The following CPLANE1 variants were observed in gnomAD, a reference collection of about 807,000 sequenced individuals.
CPLANE1 encodes ciliogenesis and planar polarity effector 1.
CPLANE1 carries 263 observed loss-of-function variants against 362.5 expected under a neutral mutation model. That is an observed-to-expected ratio of 0.73 (90% CI 0.66 to 0.80). The LOEUF (loss-of-function observed/expected upper bound fraction) is 0.80, where lower values mean the gene tolerates loss of function less well. CPLANE1 is among the 30% of genes least tolerant of loss of function. The pLI is 0.00. For synonymous variants in CPLANE1, 1,212 were observed against 1,302.6 expected, an observed-to-expected ratio of 0.93 and a Z score of 1.50; for missense variants, 3,461 against 3,793.4, an observed-to-expected ratio of 0.91 and a Z score of 2.30.
intron 51 of CPLANE1, among the ~76,000 whole-genome samples, chr5:37,114,133 T>G (rs1274603962): frequency 6.6e-6 from 1 of 152,110 alleles, no homozygotes; most frequent in Non-Finnish European, 1.5e-5. Context: ...TTTTAAAAAA[T>G]CATTATCCCT....
rs1778484018 is a variant in CPLANE1, at chr5:37,167,212, C to T, written c.7235G>A (p.Cys2412Tyr). 4 of 1,606,058 alleles carry T rather than the reference C, an allele frequency of 2.5e-6. No homozygotes were observed. In the East Asian group the frequency reaches 6.7e-5, roughly 27 times the overall value. ...LHSHLSPENR[C>Y]KKTQLIPLEN... ...AAGTGGGATAAGTTGTGTTTTTTTGCACTACAAGAAAGAAACAAAGCATAA... is the reference window on the plus strand; with the variant it reads ...AAGTGGGATAAGTTGTGTTTTTTTGTACTACAAGAAAGAAACAAAGCATAA... Residue 2412 changes from cysteine to tyrosine, a missense_variant and splice_region_variant, in exon 35 of 53, where the codon TGC becomes TAC. Coordinates refer to ENST00000651892, the MANE Select transcript of CPLANE1 (RefSeq NM_001384732.1).
rs1054139928 is a variant in CPLANE1, at chr5:37,161,889, A to T, written c.7690+576T>A. On this transcript the variant is annotated intron_variant, in intron 38 of 52. Coordinates refer to ENST00000651892, the MANE Select transcript of CPLANE1 (RefSeq NM_001384732.1). ...ATAAGATAAAGTTAGGCTAAAAAGC[A>T]TGCACAAGGTTCTGTACATGGGTAA... 3.3e-5 allele frequency among the ~76,000 whole-genome samples: 5 copies of T among 152,262 alleles called. No homozygotes were observed. In the South Asian group the frequency reaches 1.0e-3, roughly 31 times the overall value.
At chr5:37,112,050 T>C (rs1392944375) in intron 51 of CPLANE1, among the ~76,000 whole-genome samples, 1 of 152,186 alleles carries the variant, frequency 6.6e-6, no homozygotes, top group Non-Finnish European at 1.5e-5. Context: ...ATTCACGATA[T>C]GACTAGAGAT....
chr5:37,114,723 A>G (rs1170076730), intron 51 of CPLANE1, among the ~76,000 whole-genome samples: 2 of 152,098 alleles, frequency 1.3e-5, no homozygotes, highest in African/African-American at 4.8e-5. Context: ...AACATGGCAA[A>G]ACCCCATCTC....
intron 6 of CPLANE1, among the ~76,000 whole-genome samples, chr5:37,242,642 T>C (rs1029988439): frequency 6.6e-6 from 1 of 152,182 alleles, no homozygotes; most frequent in Admixed American, 6.5e-5. Context: ...AAGAAATGAT[T>C]TGTAAAGCCT....
chr5:37,080,768 A>G, the CPLANE1 span, among the ~76,000 whole-genome samples: 1 of 152,302 alleles, frequency 6.6e-6, no homozygotes, highest in African/African-American at 2.4e-5. Flanking sequence ...AGACACCAGA[A>G]AGGCCCCCTG....
the CPLANE1 span, among the ~76,000 whole-genome samples, chr5:37,099,042 T>A: frequency 6.7e-6 from 1 of 150,128 alleles, no homozygotes. Flanking sequence ...AAAGACATTA[T>A]AAAGATCAAA....
At chr5:37,112,570 G>A (rs1178489557) in intron 51 of CPLANE1, among the ~76,000 whole-genome samples, 1 of 152,210 alleles carries the variant, frequency 6.6e-6, no homozygotes. Context: ...CAGAAAGGAA[G>A]TACTCTTTCT....
At chr5:37,194,519 A>G (rs998790409) in intron 21 of CPLANE1, among the ~76,000 whole-genome samples, 1 of 152,134 alleles carries the variant, frequency 6.6e-6, no homozygotes, top group Non-Finnish European at 1.5e-5. Context: ...ACGTGAATGA[A>G]GAGTCTATGA....
Position 37,209,894 on chromosome 5 carries a change from G to C in CPLANE1, c.2921-3469C>G. ...GAGATTCTCTGGCTGAGAAGCTTCA[G>C]CTTATTGATGATCAGTTTGCAGATG... On this transcript the variant is annotated intron_variant, in intron 16 of 52. Coordinates refer to ENST00000651892, the MANE Select transcript of CPLANE1 (RefSeq NM_001384732.1). The surrounding 1 kb of genome is among the most constrained non-coding windows in gnomAD (Gnocchi z 4.6). 4.9e-6 allele frequency: 7 copies of C among 1,442,232 alleles called. No homozygotes were observed. Among genetic ancestry groups the C allele is most frequent in the Non-Finnish European group, 6.8e-6 (7 of 1,025,390 alleles). 89.3% of individuals were successfully genotyped at this position (1,442,232 alleles called of 1,614,324 possible).
the CPLANE1 span, among the ~76,000 whole-genome samples, chr5:37,079,271 G>A: frequency 2.7e-4 from 41 of 152,156 alleles, no homozygotes; most frequent in Admixed American, 1.8e-3. Flanking sequence ...TTCTGCATAC[G>A]GCTAGCCAGT....
rs61112118 is a variant in CPLANE1 at position 37,187,060 on chromosome 5, C to CAAAAAAAAAAAA, written c.4080+342_4080+353dup. ...TGGGTGACAGAGCGAGACTCCGTCTCAAAAAAAAAAAAAAAAAAAAAAAAA... is the reference window on the plus strand; with the variant it reads ...TGGGTGACAGAGCGAGACTCCGTCTCAAAAAAAAAAAAAAAAAAAAAAAAAAAAAAAAAAAAA... On this transcript the variant is annotated intron_variant, in intron 23 of 52. Transcript: ENST00000651892. Among the ~76,000 whole-genome samples the CAAAAAAAAAAAA allele has an allele frequency of 1.3e-3, 68 of 50,406 alleles. 4 individuals carry two copies. Among genetic ancestry groups the CAAAAAAAAAAAA allele is most frequent in the African/African-American group, 3.7e-3 (41 of 11,004 alleles). The allele number at this position is 50,406 out of a possible 152,430, so 33.1% of individuals were successfully genotyped here. A position where few individuals can be genotyped will look rare whatever the true frequency, so the allele number is the denominator to read the frequency against.
chr5:37,141,378 C>T, intron 44 of CPLANE1: 2 of 985,254 alleles, frequency 2.0e-6, no homozygotes, highest in Non-Finnish European at 2.4e-6. Context: ...TATCAGTGAC[C>T]AAGAAAATAA....
At chr5:37,084,459 G>A in the CPLANE1 span, among the ~76,000 whole-genome samples, 2 of 152,150 alleles carry the variant, frequency 1.3e-5, no homozygotes, top group Non-Finnish European at 2.9e-5. Context: ...AACAGTGAAT[G>A]TAAATGGCCT....
intron 6 of CPLANE1, among the ~76,000 whole-genome samples, chr5:37,242,759 C>T (rs1433000234): frequency 6.6e-6 from 1 of 151,644 alleles, no homozygotes; most frequent in African/African-American, 2.4e-5. Context: ...GGGTATGATG[C>T]CTCATGCCTG....
At chr5:37,109,715 G>C (rs1461737036) in intron 51 of CPLANE1, among the ~76,000 whole-genome samples, 1 of 152,164 alleles carries the variant, frequency 6.6e-6, no homozygotes, top group Non-Finnish European at 1.5e-5. Context: ...GGAATGCAGT[G>C]GTGCAATTTC....
intron 21 of CPLANE1, among the ~76,000 whole-genome samples, chr5:37,191,595 C>G (rs573420654): frequency 2.0e-5 from 3 of 152,166 alleles, no homozygotes; most frequent in Admixed American, 6.5e-5. Flanking sequence ...TGCCTGAACC[C>G]GGGAGGCAGA....
intron 44 of CPLANE1, chr5:37,141,329 T>G: frequency 2.0e-6 from 2 of 985,388 alleles, no homozygotes; most frequent in Non-Finnish European, 2.4e-6. Flanking sequence ...CTGTTTAACC[T>G]CATTTGTCAA....
At chr5:37,184,399 C>T (rs1371100054) in intron 25 of CPLANE1, among the ~76,000 whole-genome samples, 1 of 151,752 alleles carries the variant, frequency 6.6e-6, no homozygotes, top group African/African-American at 2.4e-5. Context: ...TGAAATATTT[C>T]CCTTAAAAAT....
Sources: allele counts gnomAD v4.1 joint callset (sites outside exome capture counted in the v4.1 genomes callset), GRCh38; gene constraint gnomAD v4.1.1; non-coding constraint Gnocchi (gnomAD v3.1); transcripts MANE v1.5; gene names NCBI Gene and HGNC (gene_info 2026-07-23, HGNC 2026-07-21).